CDH4: variants seen among roughly 807,000 people sequenced by gnomAD.
CDH4 encodes the protein cadherin 4, also known as cadherin-4.
Under a neutral mutation model 86.0 loss-of-function variants are expected in CDH4, and 33 were observed. The observed-to-expected ratio is 0.38, with a 90% CI of 0.29 to 0.51. The LOEUF (loss-of-function observed/expected upper bound fraction) is 0.51. Ranked by LOEUF, CDH4 falls within the 20% of genes least tolerant of loss-of-function variation. The pLI, the probability that CDH4 is intolerant of heterozygous loss-of-function variation, is 0.86. For missense variants in CDH4, 1,114 were observed against 1,307.4 expected (o/e 0.85, Z 2.28); for synonymous variants, 555 against 549.4 (o/e 1.01, Z -0.14).
At chr20:61,521,017 A>AG (rs911402268) in intron 2 of CDH4, among the ~76,000 whole-genome samples, 9 of 152,150 alleles carry the variant, frequency 5.9e-5, no homozygotes, top group African/African-American at 2.2e-4. Flanking sequence ...CCCAGGCTGC[A>AG]GGGGGGCCCG....
At chr20:61,896,734 G>A (rs1189648528) in intron 8 of CDH4, among the ~76,000 whole-genome samples, 3 of 152,246 alleles carry the variant, frequency 2.0e-5, no homozygotes, top group Non-Finnish European at 4.4e-5. Flanking sequence ...GCAATGGTCA[G>A]GAAAAGCTCA....
chr20:61,324,043 A>G (rs957834366), intron 2 of CDH4, among the ~76,000 whole-genome samples: 3 of 152,164 alleles, frequency 2.0e-5, no homozygotes, highest in African/African-American at 7.2e-5. Flanking sequence ...CAGTTATGCC[A>G]TTTACTTTTG....
intron 2 of CDH4, among the ~76,000 whole-genome samples, chr20:61,670,142 G>A (rs1331312360): frequency 6.6e-6 from 1 of 152,202 alleles, no homozygotes; most frequent in South Asian, 2.1e-4. Context: ...CAGCATGGCT[G>A]CCACATGACA....
chr20:61,933,921 C>A, intron 14 of CDH4, 135 bp from the exon 15 acceptor site: 1 of 963,944 alleles, frequency 1.0e-6, no homozygotes, highest in Non-Finnish European at 1.6e-6. Flanking sequence ...CAGCATGGTT[C>A]TGTGGGATGC....
chr20:61,647,522 A>C, intron 2 of CDH4, among the ~76,000 whole-genome samples: 1 of 65,252 alleles, frequency 1.5e-5, no homozygotes, highest in Non-Finnish European at 4.0e-5. Flanking sequence ...ATGCACACAC[A>C]TATTCTCTCT....
rs1568689111 is a variant in CDH4 at position 61,565,338 on chromosome 20, T to TGGTGGTCCTCTTGGTG, written c.170-178225_170-178224insGGTGGTCCTCTTGGTG. ...GTGGCGGTGCTCTTGGTGATGGTGG[T>TGGTGGTCCTCTTGGTG]AGTGGTCCTCTTGGTGATGGGGTGA... On this transcript the variant is annotated intron_variant, in intron 2 of 15. Coordinates refer to ENST00000614565, the MANE Select transcript of CDH4 (RefSeq NM_001794.5). 1.7e-3 allele frequency among the ~76,000 whole-genome samples: 70 copies of TGGTGGTCCTCTTGGTG among 40,124 alleles called. 19 individuals carry two copies. The highest frequency in any genetic ancestry group is 3.5e-3 in the Non-Finnish European group (51 of 14,474). The allele number at this position is 40,124 out of a possible 152,430, so 26.3% of individuals were successfully genotyped here. A position where few individuals can be genotyped will look rare whatever the true frequency, so the allele number is the denominator to read the frequency against.
intron 2 of CDH4, among the ~76,000 whole-genome samples, chr20:61,550,229 C>A (rs1277424219): frequency 6.7e-6 from 1 of 148,944 alleles, no homozygotes. Flanking sequence ...GCCTCCCTGC[C>A]CCAACTTCTC....
intron 7 of CDH4, among the ~76,000 whole-genome samples, chr20:61,882,289 C>A (rs557150482): frequency 2.6e-5 from 4 of 152,324 alleles, no homozygotes; most frequent in African/African-American, 7.2e-5. Flanking sequence ...GACGTGAAAG[C>A]CAGGTTACTT....
At chr20:61,257,330 G>A (rs1281220584) in intron 2 of CDH4, among the ~76,000 whole-genome samples, 1 of 152,244 alleles carries the variant, frequency 6.6e-6, no homozygotes, top group African/African-American at 2.4e-5. Flanking sequence ...TGGAAGAAAT[G>A]TCGTGGCATT....
intron 2 of CDH4, among the ~76,000 whole-genome samples, chr20:61,678,133 G>T (rs2087466648): frequency 6.6e-6 from 1 of 151,404 alleles, no homozygotes; most frequent in Non-Finnish European, 1.5e-5. Context: ...ACGGATGGAA[G>T]ATAGAAGGAT....
At chr20:61,543,250 C>A (rs555163258) in intron 2 of CDH4, among the ~76,000 whole-genome samples, 14 of 152,332 alleles carry the variant, frequency 9.2e-5, no homozygotes, top group Admixed American at 4.6e-4. Flanking sequence ...TTGCATCCTT[C>A]AATCTCATCA....
intron 2 of CDH4, among the ~76,000 whole-genome samples, chr20:61,538,249 G>A (rs62199201): frequency 0.31 from 47,157 of 151,524 alleles, 11,874 homozygotes; most frequent in African/African-American, 0.69. Context: ...GTTTTCTAGG[G>A]CTGATCCAGC....
intron 13 of CDH4, among the ~76,000 whole-genome samples, chr20:61,930,396 G>C (rs563655328): frequency 4.6e-5 from 7 of 152,326 alleles, no homozygotes; most frequent in African/African-American, 1.7e-4. Context: ...GGGCTGGCGG[G>C]GGGGCGGTGC....
intron 3 of CDH4, among the ~76,000 whole-genome samples, chr20:61,758,282 G>T (rs1052441876): frequency 1.8e-4 from 28 of 152,204 alleles, no homozygotes; most frequent in Admixed American, 1.8e-3. Context: ...GTTCCAGACA[G>T]AGGGAACAGC....
At chr20:61,450,478 A>G (rs1038144537) in intron 2 of CDH4, among the ~76,000 whole-genome samples, 2 of 152,134 alleles carry the variant, frequency 1.3e-5, no homozygotes, top group African/African-American at 4.8e-5. Context: ...ACCTCTAAAG[A>G]TACAGTTTAT....
At chr20:61,827,111 G>A (rs1405555069) in intron 4 of CDH4, among the ~76,000 whole-genome samples, 3 of 151,796 alleles carry the variant, frequency 2.0e-5, no homozygotes, top group African/African-American at 2.4e-5. Flanking sequence ...GAAGCTGAAC[G>A]TCTCAGAATA....
intron 2 of CDH4, among the ~76,000 whole-genome samples, chr20:61,701,733 G>A (rs1174759607): frequency 3.9e-5 from 6 of 152,234 alleles, no homozygotes; most frequent in Non-Finnish European, 5.9e-5. Context: ...ACCTCGGTTC[G>A]GCTCACGCGG....
intron 2 of CDH4, among the ~76,000 whole-genome samples, chr20:61,403,936 A>G (rs2085064599): frequency 6.6e-6 from 1 of 152,226 alleles, no homozygotes; most frequent in Non-Finnish European, 1.5e-5. Context: ...TGTGATCTCC[A>G]GCTCATGTAA....
intron 2 of CDH4, among the ~76,000 whole-genome samples, chr20:61,716,380 G>A (rs1347303858): frequency 0.014 from 2,026 of 147,012 alleles, 1 homozygote; most frequent in African/African-American, 0.051. Context: ...CCTCCTCTTG[G>A]CTGGAGCTGT....
Sources: allele counts gnomAD v4.1 joint callset (sites outside exome capture counted in the v4.1 genomes callset), GRCh38; gene constraint gnomAD v4.1.1; transcripts MANE v1.5; gene names NCBI Gene and HGNC (gene_info 2026-07-23, HGNC 2026-07-21).